The following RMDN2 variants were observed in gnomAD, a reference collection of about 807,000 sequenced individuals.
RMDN2 encodes the protein regulator of microtubule dynamics protein 2.
A neutral mutation model predicts 52.8 loss-of-function variants in RMDN2; 61 were observed. The observed-to-expected ratio is 1.16, with a 90% CI of 0.94 to 1.43. The LOEUF (loss-of-function observed/expected upper bound fraction) is 1.43, where lower values mean the gene tolerates loss of function less well. Ranked by LOEUF, RMDN2 falls within the 40% of genes most tolerant of loss-of-function variation. The pLI is 0.00. For missense variants in RMDN2, 592 were observed against 475.3 expected (o/e 1.25, Z -2.28); for synonymous variants, 180 against 153.1 (o/e 1.18, Z -1.30).
chr2:38,017,587 G>A lies in RMDN2; in HGVS notation c.*348G>A. On this transcript the variant is annotated 3_prime_UTR_variant, in exon 11 of 11. Transcript: ENST00000354545. The stretch of plus-strand genomic sequence containing the variant: ...TATTGTTTCAATGGAGACTTCGTAA[G>A]ACAAAATAATTTCATTAATGTGGAT... The A allele has an allele frequency of 3.3e-6, 4 of 1,229,154 alleles. No homozygotes were observed. The highest frequency in any genetic ancestry group is 4.3e-6 in the Non-Finnish European group (4 of 933,106). The allele number at this position is 1,229,154 out of a possible 1,614,324, so 76.1% of individuals were successfully genotyped here.
chr2:37,947,240 C>T (rs1046321556), intron 2 of RMDN2, among the ~76,000 whole-genome samples: 1 of 152,016 alleles, frequency 6.6e-6, no homozygotes, highest in Non-Finnish European at 1.5e-5. Flanking sequence ...ATTGCATGCT[C>T]AATGTCCATG....
intron 8 of RMDN2, among the ~76,000 whole-genome samples, chr2:38,000,767 C>T (rs978227707): frequency 7.2e-5 from 11 of 152,148 alleles, no homozygotes; most frequent in Admixed American, 5.9e-4. Context: ...TGAGTTGTTT[C>T]TGGTTTGATG....
At chr2:38,018,679 A>G (rs1679103174), downstream of RMDN2, among the ~76,000 whole-genome samples, 1 of 152,184 alleles carries the variant, frequency 6.6e-6, no homozygotes, top group African/African-American at 2.4e-5. Flanking sequence ...GAATACACTA[A>G]AATAGTAGTA....
chr2:38,046,024 T>G (rs1681252493), intron 10 of RMDN2, among the ~76,000 whole-genome samples: 1 of 152,192 alleles, frequency 6.6e-6, no homozygotes, highest in Non-Finnish European at 1.5e-5. Flanking sequence ...AGGTCGCCAT[T>G]GTAGGTTCTC....
intron 10 of RMDN2, among the ~76,000 whole-genome samples, chr2:38,045,489 G>A (rs1681216183): frequency 6.6e-6 from 1 of 152,110 alleles, no homozygotes. Flanking sequence ...AAAGGAGCAG[G>A]CAACTTCTTC....
At chr2:38,038,623 A>AC (rs1397149393) in intron 10 of RMDN2, among the ~76,000 whole-genome samples, 2 of 152,354 alleles carry the variant, frequency 1.3e-5, no homozygotes, top group East Asian at 3.9e-4. Flanking sequence ...GGCCAAACCA[A>AC]CCACTCATCA....
rs573459934 is a variant in RMDN2, at chr2:38,022,838, A to G, written c.1713+18622A>G. Among the ~76,000 whole-genome samples the G allele has an allele frequency of 3.9e-5, 6 of 152,328 alleles. No individual in the cohort carries two copies. In the South Asian group the frequency reaches 1.0e-3, roughly 26 times the overall value. On this transcript the variant is annotated intron_variant, in intron 10 of 10. Transcript: ENST00000234195. Reference sequence around the variant, plus strand: ...CAAGCTGAATGGGGTTAGCTTTTACACTAAACTTCTCATTTTTACCAATAA... The same window carrying G: ...CAAGCTGAATGGGGTTAGCTTTTACGCTAAACTTCTCATTTTTACCAATAA...
intron 8 of RMDN2, chr2:37,997,847 A>T (rs1485615037): frequency 4.3e-6 from 1 of 232,894 alleles, no homozygotes; most frequent in African/African-American, 2.3e-5. Flanking sequence ...AGAAACAGTC[A>T]CGCCCTGATG....
At chr2:37,959,917 C>T (rs528649970) in intron 2 of RMDN2, among the ~76,000 whole-genome samples, 1 of 145,002 alleles carries the variant, frequency 6.9e-6, no homozygotes. Context: ...AGTAGTGATT[C>T]AGGAGCATGT....
intron 2 of RMDN2, among the ~76,000 whole-genome samples, chr2:37,944,712 G>A (rs573555924): frequency 6.6e-6 from 1 of 152,266 alleles, no homozygotes; most frequent in African/African-American, 2.4e-5. Flanking sequence ...TAAATATGTG[G>A]ACACCAGAAG....
At chr2:37,946,569 A>C (rs1473466011) in intron 2 of RMDN2, among the ~76,000 whole-genome samples, 2 of 152,234 alleles carry the variant, frequency 1.3e-5, no homozygotes. Flanking sequence ...ATGATGAATG[A>C]ACATGTGAAG....
rs114827169 is a variant in RMDN2 at position 37,995,391 on chromosome 2, G to A, written c.946-2025G>A. Reference sequence around the variant, plus strand: ...CACACACACACTCATAAATTTTAAGGCAAAAGTATATCTAGAGATAAAGAG... The same window carrying A: ...CACACACACACTCATAAATTTTAAGACAAAAGTATATCTAGAGATAAAGAG... On this transcript the variant is annotated intron_variant, in intron 7 of 10. Transcript: ENST00000354545. 2.5e-3 allele frequency among the ~76,000 whole-genome samples: 374 copies of A among 150,910 alleles called. 2 individuals carry two copies. Among genetic ancestry groups the A allele is most frequent in the African/African-American group, 8.3e-3 (342 of 41,170 alleles).
intron 2 of RMDN2, among the ~76,000 whole-genome samples, chr2:37,968,069 A>C (rs1671301996): frequency 6.6e-6 from 1 of 152,138 alleles, no homozygotes; most frequent in Non-Finnish European, 1.5e-5. Flanking sequence ...GATGACATAA[A>C]ATTTCAGGAC....
At chr2:38,038,435 A>T (rs1680740079) in intron 10 of RMDN2, among the ~76,000 whole-genome samples, 1 of 152,042 alleles carries the variant, frequency 6.6e-6, no homozygotes, top group South Asian at 2.1e-4. Flanking sequence ...CGGGAGGAAA[A>T]CTGATACCCC....
chr2:38,042,426 A>ACACACACACACACAC (rs1681020947), intron 10 of RMDN2, among the ~76,000 whole-genome samples: 2 of 144,182 alleles, frequency 1.4e-5, no homozygotes, highest in Non-Finnish European at 3.0e-5. Flanking sequence ...CACACACACC[A>ACACACACACACACAC]CACACACACA....
Position 37,969,624 on chromosome 2 carries a change from A to G in RMDN2, c.453-4416A>G, listed in dbSNP as rs80342254. ...TCCTCTATTGAATAATCTTCAAAAA[A>G]TAAGATTGTTTCTTTTTTCCAATTA... is the stretch of plus-strand genomic sequence containing the variant. On this transcript the variant is annotated intron_variant, in intron 2 of 10. Coordinates refer to ENST00000354545, the MANE Select transcript of RMDN2 (RefSeq NM_001170791.3). 9.2e-4 allele frequency among the ~76,000 whole-genome samples: 140 copies of G among 152,122 alleles called. 2 individuals are homozygous for G. The East Asian group carries it at 0.023, about 25-fold the overall frequency.
chr2:38,024,402 G>A (rs372709469), intron 10 of RMDN2, among the ~76,000 whole-genome samples: 10 of 152,140 alleles, frequency 6.6e-5, no homozygotes, highest in African/African-American at 2.2e-4. Flanking sequence ...CACCAACAGC[G>A]TCTGAGAGTT....
At position 37,990,451 on chromosome 2, in the gene RMDN2, G is replaced by A. The variant is rs542417867; in HGVS notation, c.868-769G>A. 9.9e-4 allele frequency among the ~76,000 whole-genome samples: 145 copies of A among 146,794 alleles called. 1 individual carries two copies. Among genetic ancestry groups the A allele is most frequent in the Middle Eastern group, 3.6e-3 (1 of 280 alleles). On this transcript the variant is annotated intron_variant, in intron 6 of 10. Transcript: ENST00000354545. Reference sequence around the variant, plus strand: ...GGAGAATCGCTTGAACCAGGGAGGCGGAGGTTGCAGTGAGCCATGATCATG... The same window carrying A: ...GGAGAATCGCTTGAACCAGGGAGGCAGAGGTTGCAGTGAGCCATGATCATG...
chr2:38,043,873 T>C (rs1296747712), intron 10 of RMDN2, among the ~76,000 whole-genome samples: 1 of 152,096 alleles, frequency 6.6e-6, no homozygotes, highest in Non-Finnish European at 1.5e-5. Flanking sequence ...TATTATTACT[T>C]TGAATAGTTA....
Sources: allele counts gnomAD v4.1 joint callset (sites outside exome capture counted in the v4.1 genomes callset), GRCh38; gene constraint gnomAD v4.1.1; transcripts MANE v1.5; gene names NCBI Gene and HGNC (gene_info 2026-07-23, HGNC 2026-07-21).